Variants in CENPO observed in about 807,000 individuals in gnomAD.
CENPO encodes the protein centromere protein O, also known as centromeric protein O.
Under a neutral mutation model 36.1 loss-of-function variants are expected in CENPO, and 30 were observed. The observed-to-expected ratio is 0.83, with a 90% confidence interval of 0.62 to 1.13. The LOEUF is 1.13. Among genes scored for constraint, CENPO ranks in the 50% most tolerant of loss-of-function variants. The probability of loss-of-function intolerance (pLI) is 0.00; values close to 1 mark genes in which losing one functional copy is unlikely to be tolerated. For synonymous variants in CENPO, 171 were observed against 142.3 expected (o/e 1.20, Z -1.44); for missense variants, 349 against 357.8 (o/e 0.98, Z 0.20).
In CENPO at chr2:24,821,342, T is replaced by C. The variant is rs1667676146; in HGVS notation, c.*2024T>C. ...CACATCAGCTGGGTTTTTGGTTTAG[T>C]CATCTAGAGTCGTCTGGACTAAAGG... On this transcript the variant is annotated 3_prime_UTR_variant, in exon 8 of 8. Coordinates refer to ENST00000380834, the MANE Select transcript of CENPO (RefSeq NM_001322101.2). The C allele has an allele frequency of 2.2e-6, 2 of 902,402 alleles. No individual in the cohort carries two copies. The highest frequency in any genetic ancestry group is 3.3e-5 in the African/African-American group (2 of 59,944). The allele number at this position is 902,402 out of a possible 1,614,324, so 55.9% of individuals were successfully genotyped here. A position where few individuals can be genotyped will look rare whatever the true frequency, so the allele number is the denominator to read the frequency against.
chr2:24,802,357 A>C (rs887491332), intron 3 of CENPO, among the ~76,000 whole-genome samples: 12 of 152,036 alleles, frequency 7.9e-5, no homozygotes, highest in South Asian at 6.2e-4. Flanking sequence ...AGAACTTCCA[A>C]CACTATGTTG....
intron 1 of CENPO, 168 bp downstream of exon 1, chr2:24,793,669 G>T: frequency 8.7e-7 from 1 of 1,148,736 alleles, no homozygotes; most frequent in Non-Finnish European, 1.2e-6. Flanking sequence ...TGGGCGCGGG[G>T]GTGGGCATGG....
chr2:24,812,122 T>A (rs1666720652), intron 3 of CENPO, among the ~76,000 whole-genome samples: 1 of 152,214 alleles, frequency 6.6e-6, no homozygotes, highest in Non-Finnish European at 1.5e-5. Context: ...ATCTCCATAT[T>A]TGTTTGACTG....
intron 2 of CENPO, among the ~76,000 whole-genome samples, chr2:24,796,852 T>C (rs1165458508): frequency 1.3e-5 from 2 of 151,544 alleles, no homozygotes; most frequent in Non-Finnish European, 1.5e-5. Context: ...GGTGTGTGTG[T>C]TGGGGGTGGG....
chr2:24,819,864 G>T lies in CENPO; in HGVS notation c.*546G>T. ...GTGTGCACTTCAATCCAGGAAGGTC[G>T]GGACTTCCTTCAGTTTCAAAAAATA... On this transcript the variant is annotated 3_prime_UTR_variant, in exon 8 of 8. Coordinates refer to ENST00000380834, the MANE Select transcript of CENPO (RefSeq NM_001322101.2). 2 of 1,524,376 alleles carry T rather than the reference G, an allele frequency of 1.3e-6. No individual in the cohort carries two copies. The highest frequency in any genetic ancestry group is 2.3e-5 in the East Asian group (1 of 42,996). The allele number at this position is 1,524,376 out of a possible 1,614,324, so 94.4% of individuals were successfully genotyped here.
In CENPO at chr2:24,814,414, A is replaced by G. The variant is rs1174878268; in HGVS notation, c.255A>G (p.Thr85=). The G allele has an allele frequency of 1.9e-6, 3 of 1,604,654 alleles. No individual in the cohort carries two copies. Among genetic ancestry groups the G allele is most frequent in the Non-Finnish European group, 2.6e-6 (3 of 1,171,362 alleles). ...TTGCCAATGTAGAACCCAACCAAAC[A>G]GTGGAGATCAATGAGCAAGAAGCAT... ...ACIANVEPNQ[T]VEINEQEALE... Residue 85 remains threonine (T), a synonymous_variant, in exon 4 of 8, where the codon ACA becomes ACG. Transcript: ENST00000380834.
chr2:24,806,252 C>T (rs1666398722), intron 3 of CENPO, among the ~76,000 whole-genome samples: 1 of 152,218 alleles, frequency 6.6e-6, no homozygotes, highest in South Asian at 2.1e-4. Context: ...AAGGGAACTC[C>T]CTGACCCCTT....
At chr2:24,811,282 C>CTTTTTT (rs70947848) in intron 3 of CENPO, among the ~76,000 whole-genome samples, 40,350 of 103,654 alleles carry the variant, frequency 0.39, 10,564 homozygotes, top group East Asian at 0.58. Flanking sequence ...AGTCCATGAA[C>CTTTTTT]TTTTTTTTTT....
chr2:24,807,668 T>C (rs1490887920), intron 3 of CENPO, among the ~76,000 whole-genome samples: 2 of 152,240 alleles, frequency 1.3e-5, no homozygotes, highest in East Asian at 1.9e-4. Context: ...CCTAGTAGAA[T>C]TGTTGGTTCA....
rs775359117 is a variant in CENPO, at chr2:24,814,388, A to G, written c.229A>G (p.Ile77Val). ...RHRRASVKACIANVEPNQTVE... is the reference protein window; with the variant it reads ...RHRRASVKACVANVEPNQTVE... ...GCATATCTTGCAGGTGAAAGCATGTATTGCCAATGTAGAACCCAACCAAAC... is the reference window on the plus strand; with the variant it reads ...GCATATCTTGCAGGTGAAAGCATGTGTTGCCAATGTAGAACCCAACCAAAC... The change falls in exon 4 of 8, where the codon ATT (isoleucine) becomes GTT (valine). Residue 77 changes from isoleucine (I) to valine (V), a missense_variant. Ile to Val is a conservative substitution (Grantham distance 29, BLOSUM62 3). Transcript: ENST00000380834. The G allele has an allele frequency of 1.3e-6, 2 of 1,556,354 alleles. No homozygotes were observed. The highest frequency in any genetic ancestry group is 1.7e-5 in the Admixed American group (1 of 59,950).
At chr2:24,817,904 C>A in intron 7 of CENPO, 63 bp downstream of exon 7, 1 of 1,374,994 alleles carries the variant, frequency 7.3e-7, no homozygotes, top group Non-Finnish European at 1.0e-6. Flanking sequence ...GGGTACATCA[C>A]CCTTCTGATG....
intron 3 of CENPO, among the ~76,000 whole-genome samples, chr2:24,809,242 C>T (rs960072311): frequency 2.6e-5 from 4 of 152,104 alleles, no homozygotes; most frequent in South Asian, 2.1e-4. Flanking sequence ...TCTGTCTCCT[C>T]GATCAGTCTT....
rs561043136 is a variant in CENPO, at chr2:24,810,104, T to C, written c.217-4272T>C. On this transcript the variant is annotated intron_variant, in intron 3 of 7. Transcript: ENST00000380834. ...TTTACTTGTCTACTTGTTTTATTAC[T>C]GAAATAGATTTTTTAAAATCTCCCA... Among the ~76,000 whole-genome samples the C allele has an allele frequency of 1.8e-3, 276 of 152,240 alleles. 2 individuals carry two copies. Among genetic ancestry groups the C allele is most frequent in the African/African-American group, 6.3e-3 (260 of 41,538 alleles).
chr2:24,815,538 A>G lies in CENPO; in HGVS notation c.376A>G (p.Ile126Val). The stretch of plus-strand genomic sequence containing the variant: ...GACCAGCCGAGGAGTTTGTGTCTGC[A>G]TCAGTACTGCTTTTGAGGGGAACCT... ...KLTSRGVCVC[I>V]STAFEGNLLD... is the part of the protein sequence containing the mutation. Residue 126 changes from isoleucine to valine, a missense_variant, in exon 5 of 8, where the codon ATC (isoleucine) becomes GTC (valine). Coordinates refer to ENST00000380834, the MANE Select transcript of CENPO (RefSeq NM_001322101.2). The G allele has an allele frequency of 8.7e-6, 14 of 1,613,864 alleles. No individual in the cohort carries two copies. Among genetic ancestry groups the G allele is most frequent in the Non-Finnish European group, 1.2e-5 (14 of 1,179,736 alleles).
rs1195068533 is a variant in CENPO at position 24,821,904 on chromosome 2, C to G, written c.*2586C>G. 1.7e-5 allele frequency: 7 copies of G among 421,530 alleles called. No homozygotes were observed. The East Asian group carries it at 3.2e-4, about 19-fold the overall frequency. 26.1% of individuals were successfully genotyped at this position (421,530 alleles called of 1,614,324 possible). A position where few individuals can be genotyped will look rare whatever the true frequency, so the allele number is the denominator to read the frequency against. ...CTGACCACGAGGCGGACCCCTTCAC[C>G]TTGGCTGGGCCTGGTCCTGGTCCTT... On this transcript the variant is annotated 3_prime_UTR_variant, in exon 8 of 8. Coordinates refer to ENST00000380834, the MANE Select transcript of CENPO (RefSeq NM_001322101.2).
chr2:24,804,429 C>G (rs2148266082), intron 3 of CENPO, among the ~76,000 whole-genome samples: 1 of 152,288 alleles, frequency 6.6e-6, no homozygotes, highest in Admixed American at 6.5e-5. Context: ...CATTGCTGGT[C>G]TTTACAATTT....
chr2:24,795,167 T>A (rs1300056040), intron 2 of CENPO, among the ~76,000 whole-genome samples: 2 of 152,308 alleles, frequency 1.3e-5, no homozygotes, highest in Non-Finnish European at 2.9e-5. Context: ...AGTGATGAGG[T>A]GGAAGTTTTG....
intron 2 of CENPO, among the ~76,000 whole-genome samples, chr2:24,798,134 G>A (rs1376024890): frequency 1.3e-5 from 2 of 152,158 alleles, no homozygotes; most frequent in East Asian, 3.8e-4. Flanking sequence ...AAAACGTTCG[G>A]ATACTCAACT....
chr2:24,806,127 G>A (rs11692261), intron 3 of CENPO, among the ~76,000 whole-genome samples: 63,947 of 152,174 alleles, frequency 0.42, 15,476 homozygotes, highest in East Asian at 0.59. Flanking sequence ...TGAGCCAGGC[G>A]CGGGATATAA....
Sources: gnomAD v4.1 joint callset for allele counts (sites outside exome capture counted in the v4.1 genomes callset) on GRCh38, gnomAD v4.1.1 for gene constraint, MANE v1.5 for transcripts, NCBI Gene and HGNC (gene_info 2026-07-23, HGNC 2026-07-21) for gene names.